Variants in KCND2 observed in about 807,000 individuals in gnomAD.
KCND2 encodes the protein potassium voltage-gated channel subfamily D member 2.
KCND2 carries 16 observed loss-of-function variants against 54.4 expected under a neutral mutation model. That is an observed-to-expected ratio of 0.29 (90% CI 0.20 to 0.45). The LOEUF (loss-of-function observed/expected upper bound fraction) is 0.45, where lower values mean the gene tolerates loss of function less well. KCND2 is among the 20% of genes least tolerant of loss of function. The pLI is 1.00. For synonymous variants in KCND2, 317 were observed against 310.7 expected, an observed-to-expected ratio of 1.02 and a Z score of -0.21; for missense variants, 486 against 824.2, an observed-to-expected ratio of 0.59 and a Z score of 5.02.
chr7:120,603,689 A>G (rs758361597), intron 1 of KCND2, among the ~76,000 whole-genome samples: 2 of 152,216 alleles, frequency 1.3e-5, no homozygotes, highest in Non-Finnish European at 2.9e-5. Context: ...CAAACATCAT[A>G]TCCCAGCCTT....
At chr7:120,548,422 T>C (rs1792068773) in intron 1 of KCND2, among the ~76,000 whole-genome samples, 1 of 152,086 alleles carries the variant, frequency 6.6e-6, no homozygotes, top group South Asian at 2.1e-4. Context: ...AATGGCATTG[T>C]CAATTCTATG....
At chr7:120,679,516 A>G (rs1186376360) in intron 1 of KCND2, among the ~76,000 whole-genome samples, 1 of 151,942 alleles carries the variant, frequency 6.6e-6, no homozygotes, top group Non-Finnish European at 1.5e-5. Context: ...TCCTTTTAAA[A>G]TGAGACATTG....
intron 4 of KCND2, 29 bp downstream of exon 4, chr7:120,742,631 TG>T: frequency 6.5e-7 from 1 of 1,535,418 alleles, no homozygotes; most frequent in Non-Finnish European, 9.0e-7. Context: ...TGCCTTCCCT[TG>T]CTCTCTGACA....
At chr7:120,590,959 A>AT (rs1000306693) in intron 1 of KCND2, among the ~76,000 whole-genome samples, 1 of 151,558 alleles carries the variant, frequency 6.6e-6, no homozygotes, top group African/African-American at 2.4e-5. Context: ...ATGGTTGAAT[A>AT]TTTTTTTTCT....
At chr7:120,625,830 A>G (rs2116507576) in intron 1 of KCND2, among the ~76,000 whole-genome samples, 1 of 152,196 alleles carries the variant, frequency 6.6e-6, no homozygotes, top group Non-Finnish European at 1.5e-5. Context: ...CAGTGGTGAT[A>G]TAGGTTTTAT....
intron 1 of KCND2, among the ~76,000 whole-genome samples, chr7:120,728,301 A>T (rs575392845): frequency 0.025 from 3,650 of 144,376 alleles, 61 homozygotes; most frequent in Non-Finnish European, 0.03. Context: ...TTTTTTTTTA[A>T]AAATTTTGAG....
intron 1 of KCND2, among the ~76,000 whole-genome samples, chr7:120,467,126 G>A (rs1244144382): frequency 2.6e-5 from 4 of 152,152 alleles, no homozygotes; most frequent in Non-Finnish European, 5.9e-5. Context: ...GGATTAAGAT[G>A]TGAACATCTT....
At chr7:120,506,489 A>G (rs1479808746) in intron 1 of KCND2, among the ~76,000 whole-genome samples, 4 of 151,908 alleles carry the variant, frequency 2.6e-5, no homozygotes, top group African/African-American at 9.7e-5. Context: ...GAAAGAGCAC[A>G]CAGCAAAGAC....
At chr7:120,391,572 G>A (rs1030825123) in intron 1 of KCND2, among the ~76,000 whole-genome samples, 2 of 152,066 alleles carry the variant, frequency 1.3e-5, no homozygotes, top group Non-Finnish European at 2.9e-5. Flanking sequence ...AACCTCGTCA[G>A]CATCTGTTGT....
intron 1 of KCND2, among the ~76,000 whole-genome samples, chr7:120,526,062 A>G (rs1319149633): frequency 6.6e-6 from 1 of 152,178 alleles, no homozygotes; most frequent in Non-Finnish European, 1.5e-5. Flanking sequence ...TTCCCACAGT[A>G]TAACATAAGT....
intron 1 of KCND2, among the ~76,000 whole-genome samples, chr7:120,496,777 A>G (rs1184826595): frequency 1.3e-5 from 2 of 151,898 alleles, no homozygotes; most frequent in South Asian, 2.1e-4. Context: ...CTCTTTTCCA[A>G]ATCTCTGTTG....
intron 1 of KCND2, among the ~76,000 whole-genome samples, chr7:120,284,957 T>G (rs1799318242): frequency 6.6e-6 from 1 of 152,170 alleles, no homozygotes; most frequent in Non-Finnish European, 1.5e-5. Context: ...GATGACTTTG[T>G]ATTTTATTTG....
chr7:120,381,280 A>G (rs1800912684), intron 1 of KCND2, among the ~76,000 whole-genome samples: 1 of 152,050 alleles, frequency 6.6e-6, no homozygotes, highest in Non-Finnish European at 1.5e-5. Context: ...ACAAATAAAG[A>G]TATTTCTTAC....
intron 1 of KCND2, among the ~76,000 whole-genome samples, chr7:120,640,799 C>T (rs1793361814): frequency 1.3e-5 from 2 of 152,154 alleles, no homozygotes; most frequent in Admixed American, 1.3e-4. Flanking sequence ...TATTCATCAG[C>T]CCACTGTATC....
intron 1 of KCND2, among the ~76,000 whole-genome samples, chr7:120,372,710 A>G (rs969613754): frequency 6.6e-6 from 1 of 151,892 alleles, no homozygotes; most frequent in Non-Finnish European, 1.5e-5. Flanking sequence ...CTTTCACACA[A>G]ATAATCAAAA....
intron 1 of KCND2, among the ~76,000 whole-genome samples, chr7:120,324,150 GT>G: frequency 6.6e-6 from 1 of 151,090 alleles, no homozygotes; most frequent in Admixed American, 6.6e-5. Flanking sequence ...AGGGTTGTTT[GT>G]TTTTTTCTTG....
Position 120,651,329 on chromosome 7 carries a change from C to G in KCND2, c.1116-81574C>G, listed in dbSNP as rs1791729861. On this transcript the variant is annotated intron_variant, in intron 1 of 5. Transcript: ENST00000331113. ...CCTCAGCAATGGTGGGTGCCCCTCC[C>G]CAAGCCTGGCTGCTGCCTTGCAGTT... 2.9e-5 allele frequency among the ~76,000 whole-genome samples: 3 copies of G among 103,532 alleles called. 1 individual carries two copies. Among genetic ancestry groups the G allele is most frequent in the Admixed American group, 2.5e-4 (3 of 12,022 alleles). 67.9% of individuals were successfully genotyped at this position (103,532 alleles called of 152,430 possible).
chr7:120,669,724 C>T (rs1156565794), intron 1 of KCND2, among the ~76,000 whole-genome samples: 1 of 152,078 alleles, frequency 6.6e-6, no homozygotes, highest in African/African-American at 2.4e-5. Context: ...GTGAAGTCTG[C>T]GCCAGTGATA....
Position 120,747,809 on chromosome 7 carries a change from A to T in KCND2, c.1844A>T (p.Glu615Val). 1 of 1,612,712 alleles carries T rather than the reference A, an allele frequency of 6.2e-7. No homozygotes were observed. Among genetic ancestry groups the T allele is most frequent in the Non-Finnish European group, 8.5e-7 (1 of 1,179,084 alleles). The change falls in exon 6 of 6, where the codon GAA becomes GTA. Residue 615 changes from glutamate (E) to valine (V), a missense_variant. This residue lies in a region of KCND2 where 202 missense variants were observed against 252.7 expected (regional missense o/e 0.80). Coordinates refer to ENST00000331113, the MANE Select transcript of KCND2 (RefSeq NM_012281.3). ...ACACCAGAAGGAGACGATAGGCCAG[A>T]ATCCCCTGAGTACTCAGGAGGAAAT... ...VTTPEGDDRP[E>V]SPEYSGGNIV...
Sources: gnomAD v4.1 joint callset for allele counts (sites outside exome capture counted in the v4.1 genomes callset) on GRCh38, gnomAD v4.1.1 for gene constraint, gnomAD v4.1.1 regional missense constraint, MANE v1.5 for transcripts, NCBI Gene and HGNC (gene_info 2026-07-23, HGNC 2026-07-21) for gene names.